The following GTF2IRD1 variants were observed in gnomAD, a reference collection of about 807,000 sequenced individuals.
The protein encoded by GTF2IRD1 is general transcription factor II-I repeat domain-containing protein 1.
GTF2IRD1 carries 26 observed loss-of-function variants against 113.2 expected under a neutral mutation model. The observed-to-expected ratio is 0.23, with a 90% CI of 0.17 to 0.32. The LOEUF is 0.32. Among genes scored for constraint, GTF2IRD1 ranks in the 10% least tolerant of loss-of-function variants. GTF2IRD1 has a pLI of 1.00. For missense variants in GTF2IRD1, 864 were observed against 1,280.8 expected (o/e 0.67, Z 4.97); for synonymous variants, 484 against 529.1 (o/e 0.91, Z 1.17).
In GTF2IRD1 at chr7:74,524,164, C is replaced by A; in HGVS notation, c.1090+10C>A. 6.3e-7 allele frequency: 1 copy of A among 1,581,366 alleles called. No individual in the cohort carries two copies. The highest frequency in any genetic ancestry group is 8.6e-7 in the Non-Finnish European group (1 of 1,156,902). On this transcript the variant is annotated intron_variant, in intron 8 of 26. Transcript: ENST00000424337. ...TTTAACAGCAGATATGGTGAGTGGGCGGCGCGGCCCGCCGTGTGGCCCCAG... is the reference window on the plus strand; with the variant it reads ...TTTAACAGCAGATATGGTGAGTGGGAGGCGCGGCCCGCCGTGTGGCCCCAG...
At chr7:74,537,872 T>C (rs1798391683) in intron 11 of GTF2IRD1, among the ~76,000 whole-genome samples, 1 of 152,162 alleles carries the variant, frequency 6.6e-6, no homozygotes, top group Admixed American at 6.6e-5. Flanking sequence ...AGAAGGGGGA[T>C]CCCCAGATGG....
intron 24 of GTF2IRD1, among the ~76,000 whole-genome samples, chr7:74,592,769 G>T (rs782453086): frequency 2.6e-5 from 4 of 152,034 alleles, no homozygotes; most frequent in Non-Finnish European, 5.9e-5. Context: ...CCGACCTCAG[G>T]TGATCTGCCC....
chr7:74,528,801 GGGT>G, intron 8 of GTF2IRD1, among the ~76,000 whole-genome samples: 1 of 136,428 alleles, frequency 7.3e-6, no homozygotes, highest in Non-Finnish European at 1.6e-5. Context: ...GTGGGTGGGT[GGGT>G]GGATGGATGG....
chr7:74,496,075 C>G (rs891015778), intron 1 of GTF2IRD1, among the ~76,000 whole-genome samples: 5 of 151,694 alleles, frequency 3.3e-5, no homozygotes, highest in Non-Finnish European at 7.4e-5. Context: ...TGTGGACATG[C>G]ATGTGAGTTT....
intron 1 of GTF2IRD1, among the ~76,000 whole-genome samples, chr7:74,483,433 G>C (rs1344635638): frequency 6.6e-6 from 1 of 152,028 alleles, no homozygotes; most frequent in Admixed American, 6.6e-5. Flanking sequence ...TGCAGTTCCA[G>C]CTACTTGCGA....
intron 1 of GTF2IRD1, among the ~76,000 whole-genome samples, chr7:74,463,944 G>A (rs1265345204): frequency 3.3e-5 from 5 of 151,842 alleles, no homozygotes; most frequent in Admixed American, 6.6e-5. Flanking sequence ...GGCTGGTTTC[G>A]AACTCCTGAC....
At chr7:74,572,690 A>G (rs955484245) in intron 22 of GTF2IRD1, 5 of 217,280 alleles carry the variant, frequency 2.3e-5, no homozygotes, top group Non-Finnish European at 3.1e-5. Flanking sequence ...CCCCCTCTCT[A>G]CCCTTCCAAC....
intron 22 of GTF2IRD1, among the ~76,000 whole-genome samples, chr7:74,587,380 G>T (rs1449520706): frequency 6.6e-6 from 1 of 151,926 alleles, no homozygotes; most frequent in African/African-American, 2.4e-5. Flanking sequence ...GGAGGCAGAG[G>T]TTGCAGCGAA....
rs559996055 is a variant in GTF2IRD1 at position 74,494,005 on chromosome 7, G to A, written c.-6-14070G>A. 5.6e-4 allele frequency among the ~76,000 whole-genome samples: 86 copies of A among 152,266 alleles called. 1 individual carries two copies. Among genetic ancestry groups the A allele is most frequent in the Non-Finnish European group, 5.7e-4 (39 of 68,030 alleles). On this transcript the variant is annotated intron_variant, in intron 1 of 26. Transcript: ENST00000424337. The stretch of plus-strand genomic sequence containing the variant: ...GCCCCCTCTTGGGGGGTACAGCAGC[G>A]TCAGCCTGGTGTGCCCTCAGGGTGT...
chr7:74,529,097 C>T (rs1470030871), intron 8 of GTF2IRD1, among the ~76,000 whole-genome samples: 1 of 151,862 alleles, frequency 6.6e-6, no homozygotes, highest in African/African-American at 2.4e-5. Flanking sequence ...GGCATTGAAC[C>T]GAGTGTATGC....
intron 11 of GTF2IRD1, among the ~76,000 whole-genome samples, chr7:74,536,767 C>T (rs1313517913): frequency 6.6e-6 from 1 of 151,850 alleles, no homozygotes; most frequent in African/African-American, 2.4e-5. Context: ...GATTGCACTA[C>T]TGTACTCCAG....
chr7:74,534,298 T>C (rs1175491762), intron 9 of GTF2IRD1, among the ~76,000 whole-genome samples: 1 of 152,152 alleles, frequency 6.6e-6, no homozygotes, highest in Non-Finnish European at 1.5e-5. Context: ...TTTCCCTAAC[T>C]GTGCAAAAAT....
chr7:74,488,270 G>A (rs547671200), intron 1 of GTF2IRD1, among the ~76,000 whole-genome samples: 44 of 152,266 alleles, frequency 2.9e-4, no homozygotes, highest in African/African-American at 1.1e-3. Flanking sequence ...GAGACAGAGT[G>A]AGACCCTGTG....
intron 25 of GTF2IRD1, among the ~76,000 whole-genome samples, chr7:74,599,369 C>T (rs1174902943): frequency 6.6e-6 from 1 of 152,186 alleles, no homozygotes; most frequent in Non-Finnish European, 1.5e-5. Flanking sequence ...CTTACATCTT[C>T]ACCTCAAGTT....
At chr7:74,475,513 C>T (rs1794349593) in intron 1 of GTF2IRD1, among the ~76,000 whole-genome samples, 3 of 152,160 alleles carry the variant, frequency 2.0e-5, no homozygotes, top group Non-Finnish European at 4.4e-5. Context: ...TGGTGAGGGG[C>T]TGCCCTGCCA....
At chr7:74,520,465 TATC>T (rs1192726479) in intron 6 of GTF2IRD1, among the ~76,000 whole-genome samples, 5 of 152,100 alleles carry the variant, frequency 3.3e-5, no homozygotes, top group African/African-American at 1.2e-4. Context: ...CCAGAAGTGT[TATC>T]ATGATTAAAT....
At chr7:74,583,371 C>CTTTT (rs1168890388) in intron 22 of GTF2IRD1, among the ~76,000 whole-genome samples, 11 of 122,304 alleles carry the variant, frequency 9.0e-5, no homozygotes, top group South Asian at 2.7e-4. Flanking sequence ...CTTTTTTTTT[C>CTTTT]TTTTTTTTTT....
Position 74,520,837 on chromosome 7 carries a change from ATATAC to A in GTF2IRD1, c.917-367_917-363del, listed in dbSNP as rs1191792352. Among the ~76,000 whole-genome samples the A allele has an allele frequency of 2.4e-3, 251 of 106,502 alleles. 3 individuals carry two copies. The highest frequency in any genetic ancestry group is 8.4e-3 in the African/African-American group (234 of 27,912). The allele number at this position is 106,502 out of a possible 152,430, so 69.9% of individuals were successfully genotyped here. A position where few individuals can be genotyped will look rare whatever the true frequency, so the allele number is the denominator to read the frequency against. Reference sequence around the variant, plus strand: ...CCTGTAGTAGGTGCTTGTAAGTTATATATACTATTATTATTATTATTATTATTATT... The same window carrying A: ...CCTGTAGTAGGTGCTTGTAAGTTATATATTATTATTATTATTATTATTATT... On this transcript the variant is annotated intron_variant, in intron 6 of 26. Coordinates refer to ENST00000424337, the MANE Select transcript of GTF2IRD1 (RefSeq NM_005685.4).
intron 22 of GTF2IRD1, among the ~76,000 whole-genome samples, chr7:74,581,821 A>G (rs1235756487): frequency 6.6e-6 from 1 of 152,206 alleles, no homozygotes; most frequent in Non-Finnish European, 1.5e-5. Flanking sequence ...AGCCTGGGCA[A>G]CATAGTGAGA....
Sources: gnomAD v4.1 joint callset for allele counts (sites outside exome capture counted in the v4.1 genomes callset) on GRCh38, gnomAD v4.1.1 for gene constraint, MANE v1.5 for transcripts, NCBI Gene and HGNC (gene_info 2026-07-23, HGNC 2026-07-21) for gene names.